The following TP63 variants were observed in gnomAD, a reference collection of about 807,000 sequenced individuals.
TP63 encodes tumor protein 63.
A neutral mutation model predicts 82.8 loss-of-function variants in TP63; 17 were observed. The observed-to-expected ratio is 0.21, with a 90% CI of 0.14 to 0.31. The LOEUF is 0.31. TP63 is among the 10% of genes least tolerant of loss of function. TP63 has a pLI of 1.00. For synonymous variants in TP63, 330 were observed against 321.7 expected, an observed-to-expected ratio of 1.03 and a Z score of -0.28; for missense variants, 648 against 895.3, an observed-to-expected ratio of 0.72 and a Z score of 3.52.
chr3:189,737,627 G>C, intron 1 of TP63, 113 bp from the exon 2 acceptor site: 1 of 1,315,028 alleles, frequency 7.6e-7, no homozygotes, highest in East Asian at 2.4e-5. Flanking sequence ...ATATATACCT[G>C]CATGGTTTTA....
intron 4 of TP63, among the ~76,000 whole-genome samples, chr3:189,848,446 TG>T (rs1715219015): frequency 1.3e-5 from 2 of 151,826 alleles, no homozygotes; most frequent in African/African-American, 4.8e-5. Context: ...CTCAAATTCT[TG>T]GGTTCAAGCA....
intron 1 of TP63, among the ~76,000 whole-genome samples, chr3:189,694,177 T>G (rs539802747): frequency 1.3e-5 from 2 of 152,306 alleles, no homozygotes; most frequent in South Asian, 4.1e-4. Context: ...TACATAAGCT[T>G]TTAATCTTAG....
intron 4 of TP63, among the ~76,000 whole-genome samples, chr3:189,811,614 T>C (rs1727579360): frequency 6.6e-6 from 1 of 152,212 alleles, no homozygotes; most frequent in Non-Finnish European, 1.5e-5. Context: ...TTATATATCC[T>C]CATGTTTATA....
At chr3:189,694,170 A>T (rs1345985587) in intron 1 of TP63, among the ~76,000 whole-genome samples, 2 of 152,176 alleles carry the variant, frequency 1.3e-5, no homozygotes, top group South Asian at 4.1e-4. Context: ...CTCATTTTAC[A>T]TAAGCTTTTA....
chr3:189,812,775 G>C (rs1054556864), intron 4 of TP63, among the ~76,000 whole-genome samples: 4 of 152,136 alleles, frequency 2.6e-5, no homozygotes, highest in Admixed American at 2.6e-4. Flanking sequence ...TCTTCGGTTC[G>C]TGAGTTCATT....
At chr3:189,612,497 CT>C in the TP63 span, among the ~76,000 whole-genome samples, 2 of 152,254 alleles carry the variant, frequency 1.3e-5, no homozygotes, top group Middle Eastern at 3.4e-3. Context: ...AACCTCCTTT[CT>C]TTGTAAATTG....
rs927197735 is a variant in TP63 at position 189,839,174 on chromosome 3, C to T, written c.580-25058C>T. 1.3e-5 allele frequency among the ~76,000 whole-genome samples: 2 copies of T among 151,776 alleles called. 1 individual carries two copies. Among genetic ancestry groups the T allele is most frequent in the African/African-American group, 4.8e-5 (2 of 41,290 alleles). Reference sequence around the variant, plus strand: ...TTTTTAAATCCTATTATATTTACACCTGGGCATCCATTTCTCTGAAGAGAG... The same window carrying T: ...TTTTTAAATCCTATTATATTTACACTTGGGCATCCATTTCTCTGAAGAGAG... On this transcript the variant is annotated intron_variant, in intron 4 of 13. Transcript: ENST00000264731.
intron 3 of TP63, among the ~76,000 whole-genome samples, chr3:189,745,789 A>G (rs2108513424): frequency 6.6e-6 from 1 of 150,534 alleles, no homozygotes; most frequent in African/African-American, 2.4e-5. Flanking sequence ...AATACATTTG[A>G]AAGCTTCAGC....
At chr3:189,717,969 A>T (rs532478921) in intron 1 of TP63, among the ~76,000 whole-genome samples, 1 of 152,356 alleles carries the variant, frequency 6.6e-6, no homozygotes, top group South Asian at 2.1e-4. Context: ...GACTCCAAGA[A>T]TCTAAAATGG....
intron 4 of TP63, among the ~76,000 whole-genome samples, chr3:189,828,773 G>A (rs1711841876): frequency 1.3e-5 from 2 of 152,170 alleles, no homozygotes; most frequent in Admixed American, 1.3e-4. Context: ...AACATATTGA[G>A]CTAAATCTTG....
At chr3:189,763,678 A>G (rs115164088) in intron 3 of TP63, among the ~76,000 whole-genome samples, 355 of 152,332 alleles carry the variant, frequency 2.3e-3, no homozygotes, top group African/African-American at 8.2e-3. Flanking sequence ...AACTGTGTTT[A>G]AGGTAGTTAG....
chr3:189,727,319 G>A (rs1328226269), intron 1 of TP63, among the ~76,000 whole-genome samples: 7 of 152,290 alleles, frequency 4.6e-5, no homozygotes, highest in African/African-American at 1.7e-4. Context: ...GAAGGCCACT[G>A]CAATTGGATT....
chr3:189,755,891 T>C (rs9866467), intron 3 of TP63, among the ~76,000 whole-genome samples: 1 of 152,100 alleles, frequency 6.6e-6, no homozygotes, highest in Non-Finnish European at 1.5e-5. Flanking sequence ...TGCAATAGTG[T>C]CTCTCGATAT....
chr3:189,749,432 A>G (rs184521833), intron 3 of TP63, among the ~76,000 whole-genome samples: 51 of 152,344 alleles, frequency 3.3e-4, no homozygotes, highest in Admixed American at 9.2e-4. Flanking sequence ...GCCAATAACT[A>G]TATGAAAATG....
chr3:189,751,321 T>C (rs1185379819), intron 3 of TP63, among the ~76,000 whole-genome samples: 2 of 152,214 alleles, frequency 1.3e-5, no homozygotes, highest in African/African-American at 2.4e-5. Context: ...TTATAATCCT[T>C]TGGGTATATA....
intron 3 of TP63, among the ~76,000 whole-genome samples, chr3:189,746,285 A>AC (rs1418702627): frequency 6.6e-6 from 1 of 152,088 alleles, no homozygotes; most frequent in Non-Finnish European, 1.5e-5. Context: ...AAGAAAAAAA[A>AC]AATGTCAGTC....
At chr3:189,875,631 T>TACACAC (rs1719112884) in intron 10 of TP63, among the ~76,000 whole-genome samples, 1 of 119,322 alleles carries the variant, frequency 8.4e-6, no homozygotes, top group Admixed American at 8.4e-5. Flanking sequence ...TATATATATA[T>TACACAC]ATATATAAAC....
intron 1 of TP63, among the ~76,000 whole-genome samples, chr3:189,668,131 A>G (rs143342914): frequency 3.1e-4 from 47 of 152,266 alleles, no homozygotes; most frequent in African/African-American, 1.1e-3. Context: ...CATTGCACAG[A>G]TATGTTCAAC....
intron 1 of TP63, among the ~76,000 whole-genome samples, chr3:189,637,274 A>T (rs1729843308): frequency 6.6e-6 from 1 of 152,170 alleles, no homozygotes; most frequent in African/African-American, 2.4e-5. Flanking sequence ...CATCAGCGTT[A>T]TATGGAAAAG....
Sources: allele counts gnomAD v4.1 joint callset (sites outside exome capture counted in the v4.1 genomes callset), GRCh38; gene constraint gnomAD v4.1.1; transcripts MANE v1.5; gene names NCBI Gene and HGNC (gene_info 2026-07-23, HGNC 2026-07-21).